Variants in METTL16 observed in about 807,000 individuals in gnomAD.
The protein encoded by METTL16 is RNA N(6)-adenosine-methyltransferase METTL16.
A neutral mutation model predicts 57.9 loss-of-function variants in METTL16; 19 were observed. The ratio of observed to expected loss-of-function variants is 0.33; its 90% confidence interval spans 0.23 to 0.48. METTL16 has a LOEUF of 0.48. Ranked by LOEUF, METTL16 falls within the 20% of genes least tolerant of loss-of-function variation. METTL16 has a pLI of 0.99. For synonymous variants in METTL16, 246 were observed against 255.6 expected (o/e 0.96, Z 0.36); for missense variants, 434 against 691.5 (o/e 0.63, Z 4.18).
At chr17:2,493,487 A>G (rs983435692) in intron 2 of METTL16, among the ~76,000 whole-genome samples, 3 of 151,804 alleles carry the variant, frequency 2.0e-5, no homozygotes, top group Admixed American at 2.0e-4. Context: ...GGGAGGCCAA[A>G]GCGGGCGGAT....
intron 6 of METTL16, among the ~76,000 whole-genome samples, chr17:2,448,805 A>ATT (rs2067044425): frequency 1.8e-4 from 19 of 104,560 alleles, no homozygotes; most frequent in Non-Finnish European, 2.4e-4. Flanking sequence ...TAAAATTTAA[A>ATT]AAAAAAAAAA....
chr17:2,428,254 T>C (rs907537981), intron 8 of METTL16, among the ~76,000 whole-genome samples: 6 of 151,444 alleles, frequency 4.0e-5, no homozygotes, highest in Non-Finnish European at 7.4e-5. Context: ...AATGGTTGAT[T>C]CCAGATCTGA....
Position 2,467,854 on chromosome 17 carries a change from T to C in METTL16, c.492A>G (p.Thr164=), listed in dbSNP as rs763051039. ...CTTCTTTAAGAGCATCCATCAGGAG[T>C]GTCTTCTGTGGCACTTTCACCACTA... ...LIKVVKVPQK[T]LLMDALKEES... is the part of the protein sequence containing the mutation. The change falls in exon 5 of 10, where the codon ACA becomes ACG. Residue 164 remains threonine, a synonymous_variant. Coordinates refer to ENST00000263092, the MANE Select transcript of METTL16 (RefSeq NM_024086.4). 6.2e-7 allele frequency: 1 copy of C among 1,613,934 alleles called. No individual in the cohort carries two copies. The highest frequency in any genetic ancestry group is 8.5e-7 in the Non-Finnish European group (1 of 1,179,818).
chr17:2,437,801 C>T (rs559502259), intron 8 of METTL16, among the ~76,000 whole-genome samples: 21 of 152,164 alleles, frequency 1.4e-4, no homozygotes, highest in Non-Finnish European at 2.9e-4. Context: ...CCGCCCAGCT[C>T]GGCTTCCCAA....
At chr17:2,485,283 T>C (rs951799511) in intron 2 of METTL16, among the ~76,000 whole-genome samples, 2 of 152,216 alleles carry the variant, frequency 1.3e-5, no homozygotes, top group Admixed American at 1.3e-4. Flanking sequence ...TGGGACCGTC[T>C]AGCTGAGGGG....
At chr17:2,460,220 A>G (rs940309143) in intron 6 of METTL16, 1 of 152,148 alleles carries the variant, frequency 6.6e-6, no homozygotes, top group Non-Finnish European at 1.5e-5. Context: ...CTCACAGAGA[A>G]GAAAGTTGCA....
chr17:2,509,503 A>G (rs909391731), intron 1 of METTL16, among the ~76,000 whole-genome samples: 1 of 152,182 alleles, frequency 6.6e-6, no homozygotes, highest in Admixed American at 6.5e-5. Flanking sequence ...GCTTGAGCCC[A>G]GGAGTTCCAG....
chr17:2,493,447 T>A (rs1472406463), intron 2 of METTL16, among the ~76,000 whole-genome samples: 1 of 151,336 alleles, frequency 6.6e-6, no homozygotes, highest in Non-Finnish European at 1.5e-5. Context: ...GGCTGGGCGC[T>A]GTGGCTCACA....
Position 2,477,810 on chromosome 17 carries a change from A to T in METTL16, c.204T>A (p.Ile68=). The T allele has an allele frequency of 6.2e-7, 1 of 1,613,958 alleles. No homozygotes were observed. The highest frequency in any genetic ancestry group is 8.5e-7 in the Non-Finnish European group (1 of 1,179,786). The change falls in exon 3 of 10, where the codon ATT becomes ATA. Residue 68 remains isoleucine, a synonymous_variant. Coordinates refer to ENST00000263092, the MANE Select transcript of METTL16 (RefSeq NM_024086.4). ...TLLREDFGLS[I]DIPLERLIPT... is the part of the protein sequence containing the mutation. ...GAATTAGTCTCTCCAATGGAATATC[A>T]ATAGAAAGTCCAAAATCTTCCCTTA...
chr17:2,501,105 T>C (rs958301403), intron 2 of METTL16, among the ~76,000 whole-genome samples: 1 of 151,880 alleles, frequency 6.6e-6, no homozygotes, highest in African/African-American at 2.4e-5. Context: ...CAACAGAGAC[T>C]CCGTCTCAAA....
Position 2,420,764 on chromosome 17 carries a change from C to T in METTL16, c.1029G>A (p.Thr343=), listed in dbSNP as rs777119853. ...SETAEGIVVV[T]TWIEKILTDL... is the part of the protein sequence containing the mutation. The stretch of plus-strand genomic sequence containing the variant: ...CAGTGAGAATTTTTTCAATCCATGT[C>T]GTGACAACGACTATGCCTTCCGCCG... Residue 343 remains threonine (T), a synonymous_variant, in exon 9 of 10, where the codon ACG becomes ACA. Coordinates refer to ENST00000263092, the MANE Select transcript of METTL16 (RefSeq NM_024086.4). This position sits in a 1 kb window ranked among gnomAD's most constrained non-coding sequence, Gnocchi z 5.4. 1.4e-5 allele frequency: 23 copies of T among 1,613,794 alleles called. No individual in the cohort carries two copies. Among genetic ancestry groups the T allele is most frequent in the Middle Eastern group, 1.6e-4 (1 of 6,082 alleles).
At chr17:2,454,566 T>A (rs4790080) in intron 6 of METTL16, among the ~76,000 whole-genome samples, 25,108 of 128,904 alleles carry the variant, frequency 0.19, 2,069 homozygotes, top group Middle Eastern at 0.25. Flanking sequence ...TATTATTATT[T>A]TTTTTTTTTT....
intron 6 of METTL16, among the ~76,000 whole-genome samples, chr17:2,459,599 G>C (rs2067134961): frequency 6.6e-6 from 1 of 152,200 alleles, no homozygotes; most frequent in Non-Finnish European, 1.5e-5. Context: ...TAGGGTTAAG[G>C]CACTTGTTTA....
At chr17:2,443,721 G>A (rs546387624) in intron 6 of METTL16, among the ~76,000 whole-genome samples, 7 of 152,076 alleles carry the variant, frequency 4.6e-5, no homozygotes, top group African/African-American at 9.6e-5. Context: ...GGATGGTCTC[G>A]ATCTCCTGAC....
rs541104923 is a variant in METTL16 at position 2,420,660 on chromosome 17, A to T, written c.1063-64T>A. 1.3e-4 allele frequency: 95 copies of T among 754,352 alleles called. No homozygotes were observed. The African/African-American group carries it at 1.4e-3, about 11-fold the overall frequency. 46.7% of individuals were successfully genotyped at this position (754,352 alleles called of 1,614,324 possible). A position where few individuals can be genotyped will look rare whatever the true frequency, so the allele number is the denominator to read the frequency against. ...TTTCCCCTCTCTCCAAACTCTCAATAAAAAAAAAAAGAAAAAAGAAAAAAG... is the reference window on the plus strand; with the variant it reads ...TTTCCCCTCTCTCCAAACTCTCAATTAAAAAAAAAAGAAAAAAGAAAAAAG... On this transcript the variant is annotated intron_variant, in intron 9 of 9. Coordinates refer to ENST00000263092, the MANE Select transcript of METTL16 (RefSeq NM_024086.4). The surrounding 1 kb of genome is among the most constrained non-coding windows in gnomAD (Gnocchi z 5.4).
intron 5 of METTL16, among the ~76,000 whole-genome samples, chr17:2,464,810 T>C (rs2067178651): frequency 6.6e-6 from 1 of 152,174 alleles, no homozygotes; most frequent in African/African-American, 2.4e-5. Flanking sequence ...AAACTATAAA[T>C]TTTCATGAGC....
At chr17:2,464,920 G>A (rs2067180013) in intron 5 of METTL16, among the ~76,000 whole-genome samples, 1 of 152,152 alleles carries the variant, frequency 6.6e-6, no homozygotes, top group South Asian at 2.1e-4. Flanking sequence ...AAAGAAAACA[G>A]ATAAATTGGA....
At chr17:2,457,904 G>A (rs1374617209) in intron 6 of METTL16, among the ~76,000 whole-genome samples, 1 of 151,950 alleles carries the variant, frequency 6.6e-6, no homozygotes, top group Non-Finnish European at 1.5e-5. Context: ...TTTTGAGACG[G>A]GCTCTTGCTC....
At chr17:2,465,716 A>T (rs1055129153) in intron 5 of METTL16, among the ~76,000 whole-genome samples, 1 of 151,112 alleles carries the variant, frequency 6.6e-6, no homozygotes, top group Non-Finnish European at 1.5e-5. Flanking sequence ...TGCAAAAAAA[A>T]TTAGCCACAC....
Sources: allele counts gnomAD v4.1 joint callset (sites outside exome capture counted in the v4.1 genomes callset), GRCh38; gene constraint gnomAD v4.1.1; non-coding constraint Gnocchi (gnomAD v3.1); transcripts MANE v1.5; gene names NCBI Gene and HGNC (gene_info 2026-07-23, HGNC 2026-07-21).